RALYL: variants seen among roughly 807,000 people sequenced by gnomAD.
RALYL encodes the protein RALY RNA binding protein like.
A neutral mutation model predicts 35.1 loss-of-function variants in RALYL; 29 were observed. The observed-to-expected ratio is 0.83, with a 90% CI of 0.61 to 1.13. The LOEUF (loss-of-function observed/expected upper bound fraction) is 1.13, where lower values mean the gene tolerates loss of function less well. RALYL is among the 50% of genes most tolerant of loss of function. RALYL has a pLI of 0.00. For synonymous variants in RALYL, 120 were observed against 127.6 expected (o/e 0.94, Z 0.40); for missense variants, 359 against 360.4 (o/e 1.00, Z 0.03).
At chr8:84,227,680 T>G (rs1176432173) in intron 1 of RALYL, among the ~76,000 whole-genome samples, 1 of 152,164 alleles carries the variant, frequency 6.6e-6, no homozygotes, top group East Asian at 1.9e-4. Context: ...TATTTTTTCT[T>G]TATCCACAAT....
intron 1 of RALYL, among the ~76,000 whole-genome samples, chr8:84,385,673 G>A (rs956326351): frequency 1.1e-4 from 17 of 151,854 alleles, no homozygotes; most frequent in African/African-American, 3.4e-4. Context: ...CTCAGAACTT[G>A]ATTGAACAGT....
intron 1 of RALYL, among the ~76,000 whole-genome samples, chr8:84,382,801 A>G (rs1178106445): frequency 1.3e-5 from 2 of 151,624 alleles, no homozygotes; most frequent in African/African-American, 4.8e-5. Flanking sequence ...TTAACTCTTC[A>G]TGCTTCATGA....
At chr8:84,713,697 G>A (rs1281088222) in intron 2 of RALYL, among the ~76,000 whole-genome samples, 1 of 151,604 alleles carries the variant, frequency 6.6e-6, no homozygotes, top group South Asian at 2.1e-4. Flanking sequence ...AATAAAAATA[G>A]AACTACCAAA....
chr8:84,620,549 G>A (rs1338807609), intron 2 of RALYL, among the ~76,000 whole-genome samples: 9 of 152,122 alleles, frequency 5.9e-5, no homozygotes, highest in Admixed American at 1.3e-4. Context: ...ATGTCCTCCC[G>A]TAGCTCAGAG....
intron 7 of RALYL, among the ~76,000 whole-genome samples, chr8:84,881,591 G>A (rs1486576018): frequency 6.6e-6 from 1 of 151,906 alleles, no homozygotes; most frequent in East Asian, 1.9e-4. Context: ...TTTCTGAATC[G>A]TAGATAGCTT....
At chr8:84,333,885 C>T (rs1234757687) in intron 1 of RALYL, among the ~76,000 whole-genome samples, 1 of 151,582 alleles carries the variant, frequency 6.6e-6, no homozygotes, top group Admixed American at 6.6e-5. Context: ...CTTATTTTAA[C>T]TTGTTTTTTT....
chr8:84,578,547 T>C lies in RALYL; in HGVS notation c.256+48970T>C, dbSNP rs539992753. 1.2e-4 allele frequency among the ~76,000 whole-genome samples: 18 copies of C among 152,324 alleles called. No individual in the cohort carries two copies. The South Asian group carries it at 3.7e-3, about 32-fold the overall frequency. On this transcript the variant is annotated intron_variant, in intron 2 of 8. Transcript: ENST00000521268. ...GTGAGAAAGGTGGAGAGGAGCTTTATTGCATGACAGAACAGCTCTCAGGAG... is the reference window on the plus strand; with the variant it reads ...GTGAGAAAGGTGGAGAGGAGCTTTACTGCATGACAGAACAGCTCTCAGGAG...
At chr8:84,763,371 G>A (rs1813141599) in intron 2 of RALYL, among the ~76,000 whole-genome samples, 1 of 152,138 alleles carries the variant, frequency 6.6e-6, no homozygotes, top group Non-Finnish European at 1.5e-5. Context: ...GGAATGTTTT[G>A]TCCTCAAGTA....
At chr8:84,530,952 T>C (rs1370128483) in intron 2 of RALYL, among the ~76,000 whole-genome samples, 1 of 152,188 alleles carries the variant, frequency 6.6e-6, no homozygotes, top group Non-Finnish European at 1.5e-5. Flanking sequence ...TCTTTGCTAA[T>C]TATTTGCTCC....
Position 84,522,560 on chromosome 8 carries a change from A to AT in RALYL, c.-23-6734dup, listed in dbSNP as rs530584900. Reference sequence around the variant, plus strand: ...CACCGCGCCCGGCCTAGAAAGGAAAATTTTTATAATATTGTTTAATTCAAA... The same window carrying AT: ...CACCGCGCCCGGCCTAGAAAGGAAAATTTTTTATAATATTGTTTAATTCAAA... On this transcript the variant is annotated intron_variant, in intron 1 of 8. Transcript: ENST00000521268. Among the ~76,000 whole-genome samples the AT allele has an allele frequency of 1.2e-4, 19 of 152,248 alleles. 1 individual carries two copies. In the South Asian group the frequency reaches 2.9e-3, roughly 23 times the overall value.
intron 1 of RALYL, among the ~76,000 whole-genome samples, chr8:84,195,229 A>G (rs187220580): frequency 1.3e-5 from 2 of 152,242 alleles, no homozygotes; most frequent in Admixed American, 6.5e-5. Flanking sequence ...ATTATATGTA[A>G]GTCACTGTAT....
intron 3 of RALYL, among the ~76,000 whole-genome samples, chr8:84,802,604 A>G (rs13266473): frequency 0.033 from 5,054 of 152,098 alleles, 116 homozygotes; most frequent in Non-Finnish European, 0.051. Context: ...TTCAAAAAAA[A>G]AGAGAGAGAG....
At chr8:84,708,834 T>C (rs1841664154) in intron 2 of RALYL, among the ~76,000 whole-genome samples, 1 of 152,104 alleles carries the variant, frequency 6.6e-6, no homozygotes, top group Non-Finnish European at 1.5e-5. Context: ...TTTTAAAAAA[T>C]GAATATGTTT....
At chr8:84,189,327 C>A (rs1586029350) in intron 1 of RALYL, among the ~76,000 whole-genome samples, 2 of 152,296 alleles carry the variant, frequency 1.3e-5, no homozygotes, top group African/African-American at 4.8e-5. Flanking sequence ...CTTTCCCAAA[C>A]TTCAGAGTGG....
intron 2 of RALYL, among the ~76,000 whole-genome samples, chr8:84,545,503 A>T (rs960461846): frequency 2.0e-4 from 30 of 152,172 alleles, no homozygotes; most frequent in African/African-American, 6.8e-4. Flanking sequence ...AAATAAACAT[A>T]AAGGGTTGAC....
chr8:84,363,304 C>T (rs1853478948), intron 1 of RALYL, among the ~76,000 whole-genome samples: 1 of 152,160 alleles, frequency 6.6e-6, no homozygotes, highest in South Asian at 2.1e-4. Context: ...CAGGGATCTG[C>T]ATAGGCACAT....
chr8:84,519,985 C>T (rs1392785227), intron 1 of RALYL, among the ~76,000 whole-genome samples: 1 of 152,182 alleles, frequency 6.6e-6, no homozygotes, highest in East Asian at 1.9e-4. Context: ...GTGCACAAAC[C>T]CTGATAGTGT....
At chr8:84,903,383 T>C (rs1022298860) in intron 8 of RALYL, among the ~76,000 whole-genome samples, 25 of 152,186 alleles carry the variant, frequency 1.6e-4, no homozygotes, top group African/African-American at 6.0e-4. Context: ...CCACAAATTC[T>C]AGATCTTTGT....
chr8:84,679,295 A>C (rs918601114), intron 2 of RALYL: 1 of 228,498 alleles, frequency 4.4e-6, no homozygotes, highest in African/African-American at 2.3e-5. Flanking sequence ...TGGAGTAAAA[A>C]CCTGATGTCA....
Sources: allele counts gnomAD v4.1 joint callset (sites outside exome capture counted in the v4.1 genomes callset), GRCh38; gene constraint gnomAD v4.1.1; transcripts MANE v1.5; gene names NCBI Gene and HGNC (gene_info 2026-07-23, HGNC 2026-07-21).